The following HIVEP1 variants were observed in gnomAD, a reference collection of about 807,000 sequenced individuals.
HIVEP1 encodes HIVEP zinc finger 1.
HIVEP1 carries 36 observed loss-of-function variants against 180.0 expected under a neutral mutation model. The ratio of observed to expected loss-of-function variants is 0.20; its 90% confidence interval spans 0.15 to 0.26. HIVEP1 has a LOEUF of 0.26. Ranked by LOEUF, HIVEP1 falls within the 10% of genes least tolerant of loss-of-function variation. The pLI, the probability that HIVEP1 is intolerant of heterozygous loss-of-function variation, is 1.00. For missense variants in HIVEP1, 3,143 were observed against 3,268.7 expected (o/e 0.96, Z 0.94); for synonymous variants, 1,239 against 1,239.0 (o/e 1.00, Z 0.00).
At chr6:12,043,996 G>A (rs1159992313) in intron 2 of HIVEP1, among the ~76,000 whole-genome samples, 4 of 152,088 alleles carry the variant, frequency 2.6e-5, no homozygotes, top group Non-Finnish European at 5.9e-5. Flanking sequence ...TGAAGATGGG[G>A]AGCGTGTGAA....
chr6:12,112,540 C>A (rs1028441363), intron 3 of HIVEP1, among the ~76,000 whole-genome samples: 1 of 152,044 alleles, frequency 6.6e-6, no homozygotes, highest in Non-Finnish European at 1.5e-5. Context: ...TGTATTTCTA[C>A]TACCCTGTTT....
chr6:12,102,361 A>G lies in HIVEP1; in HGVS notation c.94+13124A>G, dbSNP rs762803045. ...TAGGCCATAAAACAGTTGATCATTA[A>G]ATCAAAAAGAATTGAAATAATATAG... is the stretch of plus-strand genomic sequence containing the variant. On this transcript the variant is annotated intron_variant, in intron 3 of 8. Coordinates refer to ENST00000379388, the MANE Select transcript of HIVEP1 (RefSeq NM_002114.4). 4.9e-4 allele frequency among the ~76,000 whole-genome samples: 75 copies of G among 152,322 alleles called. 1 individual carries two copies. Among genetic ancestry groups the G allele is most frequent in the Admixed American group, 1.9e-3 (29 of 15,302 alleles).
intron 2 of HIVEP1, among the ~76,000 whole-genome samples, chr6:12,085,714 C>G (rs1773075395): frequency 6.6e-6 from 1 of 152,052 alleles, no homozygotes; most frequent in South Asian, 2.1e-4. Flanking sequence ...AGAGGCAGGC[C>G]TCTGAGATGG....
At chr6:12,154,964 C>CT (rs1380270361) in intron 7 of HIVEP1, among the ~76,000 whole-genome samples, 1 of 151,860 alleles carries the variant, frequency 6.6e-6, no homozygotes, top group Non-Finnish European at 1.5e-5. Context: ...CTCTATTTTT[C>CT]TTTTTTCAAT....
At chr6:12,041,752 C>T (rs1769739589) in intron 2 of HIVEP1, among the ~76,000 whole-genome samples, 1 of 151,900 alleles carries the variant, frequency 6.6e-6, no homozygotes, top group African/African-American at 2.4e-5. Flanking sequence ...CAACCTCCGC[C>T]TCCCAGGTTC....
In HIVEP1 at chr6:12,124,327, A is replaced by G. The variant is rs763156234; in HGVS notation, c.4532A>G (p.Asp1511Gly). Residue 1511 changes from aspartate to glycine, a missense_variant, in exon 4 of 9, where the codon GAT becomes GGT. Around this residue, in one of 12 missense-constraint regions of HIVEP1, gnomAD observed 1,357 missense variants for 1,260.5 expected, o/e 1.08. Transcript: ENST00000379388. ...GTTTTTCCTGTTCAACAGCTCTGTG[A>G]TATCAATTTGTTAAATCAAATCCAT... The part of the protein sequence containing the change: ...TNVFPVQQLC[D>G]INLLNQIHAP... 1.2e-6 allele frequency: 2 copies of G among 1,613,994 alleles called. No individual in the cohort carries two copies. The highest frequency in any genetic ancestry group is 8.5e-7 in the Non-Finnish European group (1 of 1,179,910).
Position 12,129,788 on chromosome 6 carries a change from A to AGTTGAATT in HIVEP1, c.6106_6113dup (p.Phe2038LeufsTer22). ...CATTAGGTAATCAAAAGTCCACAGTAGTTGAATTCAGCAATAAAGATGCCT... is the reference window on the plus strand; with the variant it reads ...CATTAGGTAATCAAAAGTCCACAGTAGTTGAATTGTTGAATTCAGCAATAAAGATGCCT... On this transcript the variant is annotated frameshift_variant, in exon 5 of 9. Transcript: ENST00000379388. LOFTEE classifies it high-confidence loss of function. 1 of 1,602,408 alleles carries AGTTGAATT rather than the reference A, an allele frequency of 6.2e-7. No homozygotes were observed.
chr6:12,101,102 T>C (rs1286695509), intron 3 of HIVEP1, among the ~76,000 whole-genome samples: 1 of 152,224 alleles, frequency 6.6e-6, no homozygotes, highest in Non-Finnish European at 1.5e-5. Context: ...AAAATGTATT[T>C]ATTTCATGAC....
At chr6:12,146,063 C>A (rs1480156914) in intron 7 of HIVEP1, among the ~76,000 whole-genome samples, 2 of 152,104 alleles carry the variant, frequency 1.3e-5, no homozygotes, top group Non-Finnish European at 2.9e-5. Context: ...ATGGGGTAAA[C>A]CTTTTTTTAA....
chr6:12,170,463 A>C, the HIVEP1 span, among the ~76,000 whole-genome samples: 1 of 152,194 alleles, frequency 6.6e-6, no homozygotes, highest in Admixed American at 6.5e-5. Flanking sequence ...AATCATTCCA[A>C]GCAGGAAGGA....
intron 7 of HIVEP1, among the ~76,000 whole-genome samples, chr6:12,150,264 C>G (rs772083317): frequency 2.4e-4 from 37 of 152,262 alleles, no homozygotes; most frequent in Non-Finnish European, 3.8e-4. Context: ...CCTTTTGTGT[C>G]AAAATTCAAG....
chr6:12,209,492 G>A, the HIVEP1 span, among the ~76,000 whole-genome samples: 56 of 152,136 alleles, frequency 3.7e-4, no homozygotes, highest in Non-Finnish European at 7.4e-4. Context: ...CCTATATAAT[G>A]TACTTATTTA....
At chr6:12,168,550 A>AT (rs138658586), downstream of HIVEP1, among the ~76,000 whole-genome samples, 1,568 of 151,588 alleles carry the variant, frequency 0.01, 25 homozygotes, top group African/African-American at 0.036. Context: ...CAATTTAATG[A>AT]TTTTTTCAAC....
intron 3 of HIVEP1, among the ~76,000 whole-genome samples, chr6:12,096,159 C>G (rs1561934832): frequency 6.6e-6 from 1 of 151,848 alleles, no homozygotes. Flanking sequence ...TACTTCAGCC[C>G]CAGAACATTT....
intron 2 of HIVEP1, among the ~76,000 whole-genome samples, chr6:12,072,909 C>A (rs1772079635): frequency 6.6e-6 from 1 of 151,880 alleles, no homozygotes; most frequent in Admixed American, 6.6e-5. Flanking sequence ...ATTTTACATC[C>A]CTTGTCTGCT....
At chr6:12,211,196 G>A in the HIVEP1 span, among the ~76,000 whole-genome samples, 1 of 132,226 alleles carries the variant, frequency 7.6e-6, no homozygotes, top group Non-Finnish European at 1.6e-5. Context: ...TCAGGAGATT[G>A]AGACCATCCT....
At chr6:12,168,068 T>TGTGTATATATAC (rs1554161458), downstream of HIVEP1, among the ~76,000 whole-genome samples, 266 of 15,564 alleles carry the variant, frequency 0.017, 80 homozygotes, top group African/African-American at 0.098. Context: ...TATATACATA[T>TGTGTATATATAC]ATATGTGTAT....
At chr6:12,162,767 G>T (rs1330721736) in intron 8 of HIVEP1, among the ~76,000 whole-genome samples, 1 of 152,176 alleles carries the variant, frequency 6.6e-6, no homozygotes, top group Non-Finnish European at 1.5e-5. Flanking sequence ...TCATAAACTT[G>T]CAAGTGATAG....
the HIVEP1 span, among the ~76,000 whole-genome samples, chr6:12,195,441 C>G: frequency 6.6e-6 from 1 of 151,620 alleles, no homozygotes; most frequent in Non-Finnish European, 1.5e-5. Context: ...AACATGCAGG[C>G]AAGATGTCAG....
Sources: gnomAD v4.1 joint callset for allele counts (sites outside exome capture counted in the v4.1 genomes callset) on GRCh38, gnomAD v4.1.1 for gene constraint, gnomAD v4.1.1 regional missense constraint, MANE v1.5 for transcripts, NCBI Gene and HGNC (gene_info 2026-07-23, HGNC 2026-07-21) for gene names.